The following RERE variants were observed in gnomAD, a reference collection of about 807,000 sequenced individuals.
RERE encodes arginine-glutamic acid dipeptide repeats protein.
In RERE, 40 loss-of-function variants were observed where a neutral mutation model predicts 146.1. The ratio of observed to expected loss-of-function variants is 0.27; its 90% confidence interval spans 0.21 to 0.36. RERE has a LOEUF of 0.36. RERE is among the 10% of genes least tolerant of loss of function. The pLI is 1.00. For synonymous variants in RERE, 1,003 were observed against 866.0 expected, an observed-to-expected ratio of 1.16 and a Z score of -2.78; for missense variants, 1,933 against 2,138.7, an observed-to-expected ratio of 0.90 and a Z score of 1.90.
chr1:8,752,918 A>G (rs955008807), intron 1 of RERE, among the ~76,000 whole-genome samples: 2 of 152,230 alleles, frequency 1.3e-5, no homozygotes, highest in Admixed American at 1.3e-4. Context: ...TAAATTGTGT[A>G]TTGTTTTAAA....
At chr1:8,582,428 T>TGGGG (rs952208615) in intron 4 of RERE, among the ~76,000 whole-genome samples, 1 of 149,162 alleles carries the variant, frequency 6.7e-6, no homozygotes, top group African/African-American at 2.5e-5. Flanking sequence ...TTTTTTTTTT[T>TGGGG]GGGGGGTAGA....
chr1:8,603,113 A>G (rs74456952), intron 4 of RERE, among the ~76,000 whole-genome samples: 6 of 152,364 alleles, frequency 3.9e-5, no homozygotes, highest in Non-Finnish European at 7.3e-5. Context: ...TTTCATTTCA[A>G]TGTATACCTT....
chr1:8,567,149 G>A (rs1378356209), intron 4 of RERE, among the ~76,000 whole-genome samples: 2 of 152,094 alleles, frequency 1.3e-5, no homozygotes, highest in African/African-American at 2.4e-5. Flanking sequence ...AGAAGACCAT[G>A]GCCACATCCA....
At chr1:8,706,193 C>A (rs1424662837) in intron 1 of RERE, among the ~76,000 whole-genome samples, 2 of 151,484 alleles carry the variant, frequency 1.3e-5, no homozygotes, top group African/African-American at 4.9e-5. Context: ...GTGGTTCACG[C>A]CTGTAGTCCC....
chr1:8,706,197 T>C (rs531906102), intron 1 of RERE, among the ~76,000 whole-genome samples: 38 of 151,800 alleles, frequency 2.5e-4, no homozygotes, highest in African/African-American at 8.9e-4. Context: ...TTCACGCCTG[T>C]AGTCCCAGCC....
chr1:8,616,380 C>T (rs1325425970), intron 3 of RERE, among the ~76,000 whole-genome samples: 2 of 151,668 alleles, frequency 1.3e-5, no homozygotes, highest in Non-Finnish European at 2.9e-5. Context: ...TTTTTTAGTA[C>T]TTCTAACAGG....
chr1:8,761,859 T>C (rs1569737233), intron 1 of RERE, among the ~76,000 whole-genome samples: 1 of 151,946 alleles, frequency 6.6e-6, no homozygotes, highest in South Asian at 2.1e-4. Context: ...GAGGCGGAGG[T>C]TGCAGTGAGC....
At chr1:8,574,595 C>T (rs548555994) in intron 4 of RERE, among the ~76,000 whole-genome samples, 1 of 152,032 alleles carries the variant, frequency 6.6e-6, no homozygotes, top group Non-Finnish European at 1.5e-5. Context: ...GATCCACCTG[C>T]AATATTATAT....
chr1:8,554,022 C>T (rs563528009), intron 6 of RERE, among the ~76,000 whole-genome samples: 3 of 152,002 alleles, frequency 2.0e-5, no homozygotes, highest in Admixed American at 2.0e-4. Flanking sequence ...ACTAAAAATA[C>T]AAAAATTAGC....
At chr1:8,443,006 GA>G (rs1052947597) in intron 11 of RERE, among the ~76,000 whole-genome samples, 4 of 152,326 alleles carry the variant, frequency 2.6e-5, no homozygotes, top group Admixed American at 2.6e-4. Context: ...TCTGGTGGAA[GA>G]AATCTCTAAG....
At chr1:8,442,386 T>TAAA (rs1322977351) in intron 11 of RERE, among the ~76,000 whole-genome samples, 3 of 109,328 alleles carry the variant, frequency 2.7e-5, no homozygotes, top group African/African-American at 1.0e-4. Context: ...GACTCCATCT[T>TAAA]AAAAAAAAAA....
chr1:8,730,504 A>G (rs1640059194), intron 1 of RERE, among the ~76,000 whole-genome samples: 1 of 151,966 alleles, frequency 6.6e-6, no homozygotes, highest in Non-Finnish European at 1.5e-5. Context: ...CCCCACACCC[A>G]GCTAATTTTT....
chr1:8,616,500 C>A (rs989261879), intron 3 of RERE, among the ~76,000 whole-genome samples: 17 of 152,130 alleles, frequency 1.1e-4, no homozygotes, highest in African/African-American at 4.1e-4. Context: ...TACCAATATT[C>A]TTGCACAGTA....
chr1:8,520,865 T>C (rs1416151167), intron 7 of RERE, among the ~76,000 whole-genome samples: 1 of 150,970 alleles, frequency 6.6e-6, no homozygotes, highest in East Asian at 1.9e-4. Context: ...TTTCTGCATA[T>C]TGAAATCAAA....
chr1:8,792,276 G>A (rs1358136662), intron 1 of RERE: 3 of 152,104 alleles, frequency 2.0e-5, no homozygotes, highest in Admixed American at 6.6e-5. Context: ...CCAGAAACCA[G>A]GTAATCACAA....
At chr1:8,584,647 T>C (rs2124076149) in intron 4 of RERE, among the ~76,000 whole-genome samples, 1 of 152,278 alleles carries the variant, frequency 6.6e-6, no homozygotes, top group Admixed American at 6.5e-5. Context: ...ATATAGTGAC[T>C]TGAAGAACTA....
intron 2 of RERE, among the ~76,000 whole-genome samples, chr1:8,633,803 C>T (rs536876907): frequency 6.6e-6 from 1 of 152,150 alleles, no homozygotes; most frequent in South Asian, 2.1e-4. Flanking sequence ...ATGGCGTGCA[C>T]CTGTGGTCCC....
intron 1 of RERE, among the ~76,000 whole-genome samples, chr1:8,752,686 A>C (rs896462345): frequency 3.3e-5 from 5 of 152,222 alleles, no homozygotes; most frequent in Non-Finnish European, 2.9e-5. Context: ...CAGATGTTTC[A>C]AGAAATGAAG....
intron 12 of RERE, among the ~76,000 whole-genome samples, chr1:8,366,883 A>T (rs1641820628): frequency 1.3e-5 from 2 of 151,348 alleles, no homozygotes; most frequent in Non-Finnish European, 2.9e-5. Flanking sequence ...ATCCCAAGAT[A>T]AAGTCTCTTT....
Sources: allele counts gnomAD v4.1 joint callset (sites outside exome capture counted in the v4.1 genomes callset), GRCh38; gene constraint gnomAD v4.1.1; transcripts MANE v1.5; gene names NCBI Gene and HGNC (gene_info 2026-07-23, HGNC 2026-07-21).